The following SLC44A5 variants were observed in gnomAD, a reference collection of about 807,000 sequenced individuals.
SLC44A5 encodes solute carrier family 44 member 5.
In SLC44A5, 57 loss-of-function variants were observed where a neutral mutation model predicts 101.8. The ratio of observed to expected loss-of-function variants is 0.56; its 90% CI spans 0.45 to 0.70. The LOEUF is 0.70. Ranked by LOEUF, SLC44A5 falls within the 30% of genes least tolerant of loss-of-function variation. SLC44A5 has a pLI of 0.00. For missense variants in SLC44A5, 737 were observed against 853.1 expected (o/e 0.86, Z 1.70); for synonymous variants, 281 against 290.9 (o/e 0.97, Z 0.35).
chr1:75,581,475 T>C (rs547370677), intron 1 of SLC44A5, among the ~76,000 whole-genome samples: 2 of 152,280 alleles, frequency 1.3e-5, no homozygotes, highest in South Asian at 2.1e-4. Context: ...GGACCAACAA[T>C]TGTTGGTTAA....
At chr1:75,347,652 A>G (rs904780479) in intron 3 of SLC44A5, among the ~76,000 whole-genome samples, 1 of 150,732 alleles carries the variant, frequency 6.6e-6, no homozygotes, top group African/African-American at 2.4e-5. Flanking sequence ...GAGAGGAGAG[A>G]TCTTCTTTCC....
At chr1:75,235,516 A>G (rs1219972919) in intron 11 of SLC44A5, among the ~76,000 whole-genome samples, 1 of 152,014 alleles carries the variant, frequency 6.6e-6, no homozygotes, top group Non-Finnish European at 1.5e-5. Flanking sequence ...CAATAGGAGA[A>G]TCAATTTAAA....
chr1:75,552,256 T>C lies in SLC44A5; in HGVS notation c.-69-10740A>G, dbSNP rs78018655. On this transcript the variant is annotated intron_variant, in intron 1 of 23. Transcript: ENST00000370859. ...CTTAGTGTCCTTTCCATCCCTAGTA[T>C]CTGTAAACTATATTCACTACTAAAT... Among the ~76,000 whole-genome samples, 1,289 of 152,220 alleles carry C rather than the reference T, an allele frequency of 8.5e-3. 5 individuals carry two copies. Among genetic ancestry groups the C allele is most frequent in the Non-Finnish European group, 0.012 (842 of 68,018 alleles).
intron 2 of SLC44A5, among the ~76,000 whole-genome samples, chr1:75,468,776 A>G (rs1173803383): frequency 1.3e-5 from 2 of 152,210 alleles, no homozygotes; most frequent in Admixed American, 6.5e-5. Flanking sequence ...CAGGGTGACT[A>G]TAGTCAATGA....
At chr1:75,588,105 T>C (rs1007556511) in intron 1 of SLC44A5, among the ~76,000 whole-genome samples, 2 of 152,046 alleles carry the variant, frequency 1.3e-5, no homozygotes, top group Non-Finnish European at 2.9e-5. Flanking sequence ...CTGAAAGTAG[T>C]TTACTCGATA....
the SLC44A5 span, among the ~76,000 whole-genome samples, chr1:75,622,624 CAG>C: frequency 6.6e-6 from 1 of 152,050 alleles, no homozygotes. Flanking sequence ...TTGAGTGAGA[CAG>C]AGTATGAATG....
At chr1:75,223,043 A>G (rs946173812) in intron 13 of SLC44A5, among the ~76,000 whole-genome samples, 4 of 152,232 alleles carry the variant, frequency 2.6e-5, no homozygotes, top group African/African-American at 9.6e-5. Flanking sequence ...TGATTTATTT[A>G]GTCTTGAATT....
At chr1:75,237,421 C>A (rs1285920881) in intron 10 of SLC44A5, among the ~76,000 whole-genome samples, 1 of 152,050 alleles carries the variant, frequency 6.6e-6, no homozygotes, top group Non-Finnish European at 1.5e-5. Context: ...CAAGAATGAA[C>A]ATGATCTTTA....
intron 2 of SLC44A5, among the ~76,000 whole-genome samples, chr1:75,400,434 T>G (rs1350955652): frequency 6.6e-6 from 1 of 152,208 alleles, no homozygotes; most frequent in Non-Finnish European, 1.5e-5. Context: ...CAGAGCCTAT[T>G]TTTTAGTACT....
intron 2 of SLC44A5, among the ~76,000 whole-genome samples, chr1:75,485,257 T>C (rs1048195375): frequency 2.6e-5 from 4 of 152,242 alleles, no homozygotes; most frequent in Non-Finnish European, 5.9e-5. Context: ...ACAATCTCTT[T>C]GTGAACACAC....
chr1:75,634,177 ATTCTCTT>A, the SLC44A5 span, among the ~76,000 whole-genome samples: 3 of 152,072 alleles, frequency 2.0e-5, no homozygotes, highest in African/African-American at 7.2e-5. Context: ...TTGGTCTAAA[ATTCTCTT>A]TTTTGGTTGT....
At chr1:75,586,518 T>C (rs1035217399) in intron 1 of SLC44A5, among the ~76,000 whole-genome samples, 12 of 138,718 alleles carry the variant, frequency 8.7e-5, no homozygotes, top group African/African-American at 2.8e-4. Flanking sequence ...CAAAATGCTA[T>C]ATTTTAGATG....
At chr1:75,280,962 A>T (rs919416676) in intron 5 of SLC44A5, among the ~76,000 whole-genome samples, 1 of 152,104 alleles carries the variant, frequency 6.6e-6, no homozygotes, top group Admixed American at 6.6e-5. Context: ...TTGGTACAGG[A>T]ATGGGGTGCT....
intron 3 of SLC44A5, among the ~76,000 whole-genome samples, chr1:75,374,811 C>T (rs1184762825): frequency 6.6e-6 from 1 of 152,200 alleles, no homozygotes; most frequent in African/African-American, 2.4e-5. Context: ...CAGTACTATA[C>T]ACAACATACA....
chr1:75,490,461 A>G (rs1034459963), intron 2 of SLC44A5, among the ~76,000 whole-genome samples: 14 of 152,160 alleles, frequency 9.2e-5, no homozygotes, highest in African/African-American at 3.4e-4. Context: ...TTTTTTAATT[A>G]ATAAGGTTGG....
intron 23 of SLC44A5, chr1:75,205,083 T>C (rs1004320079): frequency 1.3e-5 from 2 of 152,212 alleles, no homozygotes; most frequent in African/African-American, 4.8e-5. Flanking sequence ...ACTGACACTT[T>C]TGAATACAAT....
At chr1:75,648,113 C>A in the SLC44A5 span, among the ~76,000 whole-genome samples, 1 of 152,108 alleles carries the variant, frequency 6.6e-6, no homozygotes, top group African/African-American at 2.4e-5. Context: ...ACATGGGAAG[C>A]AATTAGATCA....
At chr1:75,318,754 C>T (rs114621619) in intron 4 of SLC44A5, among the ~76,000 whole-genome samples, 2 of 152,232 alleles carry the variant, frequency 1.3e-5, no homozygotes, top group African/African-American at 4.8e-5. Flanking sequence ...TCATTTTTGC[C>T]AGCACAACTC....
the SLC44A5 span, among the ~76,000 whole-genome samples, chr1:75,677,037 T>C: frequency 6.6e-6 from 1 of 152,146 alleles, no homozygotes; most frequent in African/African-American, 2.4e-5. Context: ...AATTAAGGAC[T>C]TTCCCAGATA....
Sources: gnomAD v4.1 joint callset for allele counts (sites outside exome capture counted in the v4.1 genomes callset) on GRCh38, gnomAD v4.1.1 for gene constraint, MANE v1.5 for transcripts, NCBI Gene and HGNC (gene_info 2026-07-23, HGNC 2026-07-21) for gene names.